Variants in TTN observed in about 807,000 individuals in gnomAD.
TTN encodes the protein connectin.
In TTN, 1,525 loss-of-function variants were observed where a neutral mutation model predicts 3,223.0. That is an observed-to-expected ratio of 0.47 (90% confidence interval 0.45 to 0.49). The LOEUF (loss-of-function observed/expected upper bound fraction) is 0.49. Among genes scored for constraint, TTN ranks in the 20% least tolerant of loss-of-function variants. The pLI is 0.00. For missense variants in TTN, 40,786 were observed against 43,424.0 expected, an observed-to-expected ratio of 0.94 and a Z score of 5.40; for synonymous variants, 14,094 against 15,161.0, an observed-to-expected ratio of 0.93 and a Z score of 5.17.
Position 178,564,532 on chromosome 2 carries a change from G to T in TTN, c.81600C>A (p.Ser27200Arg). 6.2e-7 allele frequency: 1 copy of T among 1,613,004 alleles called. No individual in the cohort carries two copies. Among genetic ancestry groups the T allele is most frequent in the Non-Finnish European group, 8.5e-7 (1 of 1,179,500 alleles). ...KWKKPAYDGG[S>R]KITGYIVEKK... The stretch of plus-strand genomic sequence containing the variant: ...TTTCTACAATATAACCTGTTATTTT[G>T]CTACCACCATCATAGGCAGGTTTCT... Residue 27200 changes from serine (S) to arginine (R), a missense_variant, in exon 326 of 363, where the codon AGC (serine) becomes AGA (arginine). By Grantham distance (110) the Ser-to-Arg change is moderately radical. Coordinates refer to ENST00000589042, the MANE Select transcript of TTN (RefSeq NM_001267550.2).
chr2:178,642,209 C>G, intron 219 of TTN, 28 bp downstream of exon 219: 1 of 1,545,766 alleles, frequency 6.5e-7, no homozygotes, highest in Non-Finnish European at 8.8e-7. Context: ...ATACTTAACG[C>G]TGACAGAATG....
chr2:178,794,765 C>A (rs1291538028), intron 7 of TTN, among the ~76,000 whole-genome samples, 157 bp downstream of exon 7: 1 of 152,198 alleles, frequency 6.6e-6, no homozygotes, highest in Non-Finnish European at 1.5e-5. Flanking sequence ...AATGGTTTTA[C>A]AAAGCATGAC....
At chr2:178,647,546 G>A in intron 213 of TTN, 82 bp from the exon 214 acceptor site, 1 of 1,325,502 alleles carries the variant, frequency 7.5e-7, no homozygotes, top group Non-Finnish European at 1.1e-6. Context: ...GAATGCAGGG[G>A]CAAGAGCTTC....
chr2:178,588,079 C>T lies in TTN; in HGVS notation c.63328G>A (p.Ala21110Thr). 1 of 1,612,952 alleles carries T rather than the reference C, an allele frequency of 6.2e-7. No individual in the cohort carries two copies. The highest frequency in any genetic ancestry group is 8.5e-7 in the Non-Finnish European group (1 of 1,179,344). ...CGTTTCCAGCCTTCATCAGGAGACG[C>T]ATCTGCTATTTTTGGTCTCATTTCC... is the stretch of plus-strand genomic sequence containing the variant. The part of the protein sequence containing the change: ...VVEMRPKIAD[A>T]SPDEGWKRCN... Residue 21110 changes from alanine (A) to threonine (T), a missense_variant, in exon 305 of 363, where the codon GCG becomes ACG. Physicochemically the swap from Ala to Thr is moderately conservative, Grantham distance 58 (BLOSUM62 0). Transcript: ENST00000589042.
intron 78 of TTN, among the ~76,000 whole-genome samples, chr2:178,721,604 A>G (rs867165635): frequency 6.6e-6 from 1 of 152,130 alleles, no homozygotes; most frequent in South Asian, 2.1e-4. Flanking sequence ...TAGTTAAAAC[A>G]ACATTTAACA....
intron 115 of TTN, 78 bp from the exon 116 acceptor site, chr2:178,694,984 G>C (rs1049043001): frequency 9.7e-7 from 1 of 1,034,932 alleles, no homozygotes; most frequent in Non-Finnish European, 1.4e-6. Flanking sequence ...CTCTCTCTCT[G>C]TGTATATGTG....
intron 131 of TTN, 68 bp from the exon 132 acceptor site, chr2:178,684,481 G>A (rs1468962518): frequency 4.6e-6 from 7 of 1,508,004 alleles, no homozygotes; most frequent in Non-Finnish European, 6.4e-6. Context: ...TAGCCAGAAA[G>A]TACTGTGATT....
intron 99 of TTN, 121 bp downstream of exon 99, chr2:178,709,445 A>C (rs2076332907): frequency 3.0e-6 from 3 of 1,004,354 alleles, no homozygotes; most frequent in Non-Finnish European, 4.2e-6. Context: ...ATACACAGTT[A>C]AATAATGTGT....
rs199726308 is a variant in TTN, at chr2:178,564,605, C to T, written c.81527G>A (p.Arg27176His). 7.4e-6 allele frequency: 12 copies of T among 1,613,326 alleles called. No homozygotes were observed. Among genetic ancestry groups the T allele is most frequent in the East Asian group, 6.7e-5 (3 of 44,758 alleles). ...TCTTGTAATAACAATGGCTTCAGGG[C>T]GACCAGGTGGGTCACATGGATCACG... ...VARDPCDPPG[R>H]PEAIVITRNN... Residue 27176 changes from arginine to histidine, a missense_variant, in exon 326 of 363, where the codon CGC becomes CAC. Coordinates refer to ENST00000589042, the MANE Select transcript of TTN (RefSeq NM_001267550.2).
Position 178,671,988 on chromosome 2 carries a change from G to C in TTN, c.35210C>G (p.Pro11737Arg). Residue 11737 changes from proline to arginine, a missense_variant, in exon 155 of 363, where the codon CCA becomes CGA. Transcript: ENST00000589042. ...CCCTATACCTTTAGGTGGAGCTTTTGGTTTTTCAAATACTTCCACTTCTTC... is the reference window on the plus strand; with the variant it reads ...CCCTATACCTTTAGGTGGAGCTTTTCGTTTTTCAAATACTTCCACTTCTTC... ...EAEEVEVFEK[P>R]KAPPKGPEIS... 1 of 1,602,190 alleles carries C rather than the reference G, an allele frequency of 6.2e-7. No individual in the cohort carries two copies. Among genetic ancestry groups the C allele is most frequent in the Non-Finnish European group, 8.5e-7 (1 of 1,176,792 alleles).
At chr2:178,683,970 T>C in intron 133 of TTN, 29 bp downstream of exon 133, 1 of 880,014 alleles carries the variant, frequency 1.1e-6, no homozygotes, top group Non-Finnish European at 1.6e-6. Context: ...TTATTTTGAT[T>C]TTTTTTTTTT....
Position 178,707,704 on chromosome 2 carries a change from G to A in TTN, c.28863C>T (p.Ile9621=), listed in dbSNP as rs1661325659. ...TTTCCCTGCCAGCCTTCAACCACTG[G>A]ATCCTAATTGGCTCAGATCCCTGGA... The part of the protein sequence containing the change: ...CHVQGSEPIR[I]QWLKAGREIK... The change falls in exon 100 of 363, where the codon ATC becomes ATT. Residue 9621 remains isoleucine, a synonymous_variant. Transcript: ENST00000589042. 6.2e-7 allele frequency: 1 copy of A among 1,613,956 alleles called. No individual in the cohort carries two copies. The highest frequency in any genetic ancestry group is 1.3e-5 in the African/African-American group (1 of 75,050).
At position 178,589,789 on chromosome 2, in the gene TTN, T is replaced by C. The variant is rs755455461; in HGVS notation, c.61936A>G (p.Asn20646Asp). The C allele has an allele frequency of 1.9e-6, 3 of 1,613,574 alleles. No homozygotes were observed. The highest frequency in any genetic ancestry group is 2.5e-6 in the Non-Finnish European group (3 of 1,179,614). Residue 20646 changes from asparagine to aspartate, a missense_variant, in exon 304 of 363, where the codon AAT (asparagine) becomes GAT (aspartate). Asn to Asp is a conservative substitution (Grantham distance 23, BLOSUM62 1). Coordinates refer to ENST00000589042, the MANE Select transcript of TTN (RefSeq NM_001267550.2). ...ATGGTTGGCCCAACACCTACTTTATTCTCTGCACAAACTCGGAAATAGTAT... is the reference window on the plus strand; with the variant it reads ...ATGGTTGGCCCAACACCTACTTTATCCTCTGCACAAACTCGGAAATAGTAT... ...NEYYFRVCAE[N>D]KVGVGPTIET...
chr2:178,527,483 T>C lies in TTN; in HGVS notation c.107643A>G (p.Glu35881=). The C allele has an allele frequency of 3.1e-6, 5 of 1,613,988 alleles. No individual in the cohort carries two copies. The highest frequency in any genetic ancestry group is 3.4e-6 in the Non-Finnish European group (4 of 1,179,850). The change falls in exon 362 of 363, where the codon GAA becomes GAG. Residue 35881 remains glutamate, a synonymous_variant. Coordinates refer to ENST00000589042, the MANE Select transcript of TTN (RefSeq NM_001267550.2). ...CTTTAAGCATTTTACTAGTTGAGCTTTCCAGTTGTGTCATATTAGATATTC... is the reference window on the plus strand; with the variant it reads ...CTTTAAGCATTTTACTAGTTGAGCTCTCCAGTTGTGTCATATTAGATATTC... The part of the protein sequence containing the change: ...FMGISNMTQL[E]SSTSKMLKAG...
Position 178,532,780 on chromosome 2 carries a change from G to T in TTN, c.103835C>A (p.Thr34612Lys). ...ACGCCATTTAGGTCTGTATTGATCT[G>T]TAATGCGTGGAAGAGGCATCACATA... ...QFYVMPLPRI[T>K]DQYRPKWRIP... Residue 34612 changes from threonine (T) to lysine (K), a missense_variant, in exon 358 of 363, where the codon ACA (threonine) becomes AAA (lysine). Physicochemically the swap from Thr to Lys is moderately conservative, Grantham distance 78. Transcript: ENST00000589042. 6.2e-7 allele frequency: 1 copy of T among 1,613,968 alleles called. No homozygotes were observed. Among genetic ancestry groups the T allele is most frequent in the Non-Finnish European group, 8.5e-7 (1 of 1,179,868 alleles).
At chr2:178,721,499 A>G (rs2078358779) in intron 78 of TTN, among the ~76,000 whole-genome samples, 1 of 152,064 alleles carries the variant, frequency 6.6e-6, no homozygotes, top group Admixed American at 6.6e-5. Context: ...AAGTTAAAAC[A>G]TAAAAGTTAA....
intron 79 of TTN, 36 bp downstream of exon 79, chr2:178,720,885 G>T (rs779290183): frequency 4.6e-6 from 7 of 1,534,746 alleles, no homozygotes; most frequent in Non-Finnish European, 2.6e-6. Context: ...CAAATCAGAG[G>T]AGAATAAAGA....
In TTN at chr2:178,562,154, G is replaced by T. The variant is rs377614000; in HGVS notation, c.83978C>A (p.Thr27993Asn). 4.4e-5 allele frequency: 71 copies of T among 1,613,020 alleles called. No homozygotes were observed. The highest frequency in any genetic ancestry group is 5.7e-5 in the Non-Finnish European group (67 of 1,179,552). Residue 27993 changes from threonine to asparagine, a missense_variant, in exon 326 of 363, where the codon ACT (threonine) becomes AAT (asparagine). By Grantham distance (65) the Thr-to-Asn change is moderately conservative (BLOSUM62 0). Transcript: ENST00000589042. ...CTGACCATCTTTTCTCCAGTTCACA[G>T]TAGCTTGAGGTCTTCCTTTGAATGG... ...DVPFKGRPQA[T>N]VNWRKDGQTL...
At chr2:178,611,316 A>G in intron 269 of TTN, 45 bp from the exon 270 acceptor site, 1 of 1,610,646 alleles carries the variant, frequency 6.2e-7, no homozygotes, top group Non-Finnish European at 8.5e-7. Flanking sequence ...GTATGTCAAA[A>G]TGCAATGCAT....
Sources: allele counts gnomAD v4.1 joint callset (sites outside exome capture counted in the v4.1 genomes callset), GRCh38; gene constraint gnomAD v4.1.1; transcripts MANE v1.5; gene names NCBI Gene and HGNC (gene_info 2026-07-23, HGNC 2026-07-21).